KCNN2: variants seen among roughly 807,000 people sequenced by gnomAD.
KCNN2 encodes small conductance calcium-activated potassium channel protein 2.
A neutral mutation model predicts 55.5 loss-of-function variants in KCNN2; 24 were observed. The ratio of observed to expected loss-of-function variants is 0.43; its 90% confidence interval spans 0.31 to 0.61. The LOEUF is 0.61. Ranked by LOEUF, KCNN2 falls within the 20% of genes least tolerant of loss-of-function variation. KCNN2 has a pLI of 0.08. For missense variants in KCNN2, 754 were observed against 853.6 expected, an observed-to-expected ratio of 0.88 and a Z score of 1.45; for synonymous variants, 431 against 336.1, an observed-to-expected ratio of 1.28 and a Z score of -3.09.
chr5:114,251,880 C>CTTTTTTTTTTTTTTTTTTTTT (rs200692821), intron 2 of KCNN2, among the ~76,000 whole-genome samples: 5 of 133,298 alleles, frequency 3.8e-5, no homozygotes, highest in Middle Eastern at 4.1e-3. Context: ...TTTTCTTTTT[C>CTTTTTTTTTTTTTTTTTTTTT]TTTTTTTTTT....
At chr5:114,283,260 A>C (rs1755660393) in intron 2 of KCNN2, among the ~76,000 whole-genome samples, 2 of 152,072 alleles carry the variant, frequency 1.3e-5, no homozygotes, top group Admixed American at 6.6e-5. Flanking sequence ...ATCATGCTTC[A>C]TTCCACATGG....
intron 1 of KCNN2, among the ~76,000 whole-genome samples, chr5:114,216,870 A>T (rs910320876): frequency 9.2e-5 from 14 of 152,236 alleles, no homozygotes; most frequent in East Asian, 3.9e-4. Context: ...GCAGAAAAAA[A>T]TTTTTAAAAA....
Position 114,329,365 on chromosome 5 carries a change from G to A in KCNN2, c.-184-31580G>A, listed in dbSNP as rs191992267. Among the ~76,000 whole-genome samples the A allele has an allele frequency of 1.8e-4, 28 of 152,274 alleles. No homozygotes were observed. In the East Asian group the frequency reaches 5.2e-3, roughly 28 times the overall value. On this transcript the variant is annotated intron_variant, in intron 2 of 10. Transcript: ENST00000512097. ...GGCAGACCCACCCTCAATCTGTGTG[G>A]GCATCATCTAATCAGCTGCCAGTGC...
At chr5:114,234,772 G>A (rs956433201) in intron 2 of KCNN2, among the ~76,000 whole-genome samples, 1 of 152,130 alleles carries the variant, frequency 6.6e-6, no homozygotes, top group Non-Finnish European at 1.5e-5. Context: ...GAGCAGGATG[G>A]CTGCCAACTA....
At chr5:114,140,654 G>T (rs1232341585) in intron 1 of KCNN2, among the ~76,000 whole-genome samples, 1 of 151,478 alleles carries the variant, frequency 6.6e-6, no homozygotes, top group Non-Finnish European at 1.5e-5. Context: ...TTAGAATTAG[G>T]ATTTGGTTTT....
chr5:114,132,152 A>G (rs1287837198), intron 1 of KCNN2, among the ~76,000 whole-genome samples: 2 of 152,066 alleles, frequency 1.3e-5, no homozygotes, highest in Admixed American at 6.6e-5. Context: ...CCATTTGTCA[A>G]TTTTGGCTTT....
At chr5:114,144,358 A>AT (rs981281911) in intron 1 of KCNN2, among the ~76,000 whole-genome samples, 1 of 152,016 alleles carries the variant, frequency 6.6e-6, no homozygotes, top group Non-Finnish European at 1.5e-5. Flanking sequence ...TCCAAGTAGA[A>AT]TTTTTTTGCC....
At chr5:114,364,769 A>T (rs1440538551) in intron 2 of KCNN2, among the ~76,000 whole-genome samples, 3 of 152,162 alleles carry the variant, frequency 2.0e-5, no homozygotes, top group Non-Finnish European at 4.4e-5. Flanking sequence ...TTTAAATTAA[A>T]ATAAGTATAG....
At chr5:114,080,958 A>G (rs1048635652) in intron 1 of KCNN2, among the ~76,000 whole-genome samples, 14 of 152,168 alleles carry the variant, frequency 9.2e-5, no homozygotes, top group Non-Finnish European at 1.9e-4. Context: ...AAACACTGTT[A>G]GAACTAAAAG....
intron 2 of KCNN2, among the ~76,000 whole-genome samples, chr5:114,285,063 A>G (rs916774898): frequency 6.6e-6 from 1 of 151,264 alleles, no homozygotes; most frequent in Non-Finnish European, 1.5e-5. Context: ...CGGGCGGATC[A>G]CGAGGTCAGG....
chr5:114,488,284 G>A (rs1251251986), intron 6 of KCNN2, among the ~76,000 whole-genome samples: 1 of 152,204 alleles, frequency 6.6e-6, no homozygotes, highest in Non-Finnish European at 1.5e-5. Flanking sequence ...TGCACGTATG[G>A]TAGAGTATCT....
At chr5:114,163,925 G>T (rs1484096663) in intron 1 of KCNN2, among the ~76,000 whole-genome samples, 1 of 47,294 alleles carries the variant, frequency 2.1e-5, no homozygotes, top group African/African-American at 4.2e-5. Context: ...AATATTTTCT[G>T]CCTTTTTTTT....
intron 1 of KCNN2, among the ~76,000 whole-genome samples, chr5:114,123,058 A>G (rs909183587): frequency 6.6e-6 from 1 of 152,224 alleles, no homozygotes; most frequent in East Asian, 1.9e-4. Flanking sequence ...GAGAGACAGT[A>G]TATAAGGACG....
In KCNN2 at chr5:114,324,535, G is replaced by A. The variant is rs1290393557; in HGVS notation, c.-184-36410G>A. On this transcript the variant is annotated intron_variant, in intron 2 of 10. Transcript: ENST00000512097. ...ATGGCCTCTAGAAGGGTGGAAAACA[G>A]CAAGGAAACAGATTCTCCCTGTCAG... is the stretch of plus-strand genomic sequence containing the variant. Among the ~76,000 whole-genome samples, 3 of 152,188 alleles carry A rather than the reference G, an allele frequency of 2.0e-5. No homozygotes were observed. In the East Asian group the frequency reaches 5.8e-4, roughly 29 times the overall value.
chr5:114,186,058 T>C (rs556252699), intron 1 of KCNN2, among the ~76,000 whole-genome samples: 1 of 152,338 alleles, frequency 6.6e-6, no homozygotes, highest in East Asian at 1.9e-4. Flanking sequence ...TGTTTCATGT[T>C]ATTGATTATT....
chr5:114,240,427 C>CTTTTTT (rs201223682), intron 2 of KCNN2, among the ~76,000 whole-genome samples: 2 of 130,402 alleles, frequency 1.5e-5, no homozygotes, highest in Non-Finnish European at 3.3e-5. Flanking sequence ...TTTTCTTTCT[C>CTTTTTT]TTTTTTTTTT....
intron 1 of KCNN2, among the ~76,000 whole-genome samples, chr5:114,057,684 C>T (rs1041993095): frequency 6.6e-6 from 1 of 152,028 alleles, no homozygotes; most frequent in African/African-American, 2.4e-5. Context: ...ATGTGCTAGA[C>T]TGGTTACCTT....
At chr5:114,329,551 C>A (rs143040228) in intron 2 of KCNN2, among the ~76,000 whole-genome samples, 1 of 152,268 alleles carries the variant, frequency 6.6e-6, no homozygotes, top group Non-Finnish European at 1.5e-5. Context: ...TGGTCAGGGG[C>A]TTTCGGGCCT....
At position 114,483,811 on chromosome 5, in the gene KCNN2, CT is replaced by C. The variant is rs1364413313; in HGVS notation, c.1891-3235del. On this transcript the variant is annotated intron_variant, in intron 5 of 7. Transcript: ENST00000673685. ...TTATTTTTTGATAAACAGAAAATGA[CT>C]TTTATTTCATAGGTCTTTTGGCCTG... 1.6e-4 allele frequency among the ~76,000 whole-genome samples: 25 copies of C among 151,688 alleles called. 1 individual carries two copies. Among genetic ancestry groups the C allele is most frequent in the African/African-American group, 6.0e-4 (25 of 41,390 alleles).
Sources: gnomAD v4.1 joint callset for allele counts (sites outside exome capture counted in the v4.1 genomes callset) on GRCh38, gnomAD v4.1.1 for gene constraint, MANE v1.5 for transcripts, NCBI Gene and HGNC (gene_info 2026-07-23, HGNC 2026-07-21) for gene names.